Variants in COL27A1 observed in about 807,000 individuals in gnomAD.
COL27A1 encodes collagen alpha-1(XXVII) chain.
COL27A1 carries 106 observed loss-of-function variants against 251.3 expected under a neutral mutation model. That is an observed-to-expected ratio of 0.42 (90% CI 0.36 to 0.50). COL27A1 has a LOEUF of 0.50. Among genes scored for constraint, COL27A1 ranks in the 20% least tolerant of loss-of-function variants. The pLI is 0.00. For missense variants in COL27A1, 2,325 were observed against 2,522.8 expected (o/e 0.92, Z 1.68); for synonymous variants, 1,000 against 986.3 (o/e 1.01, Z -0.26).
intron 6 of COL27A1, 44 bp downstream of exon 6, chr9:114,194,501 A>G (rs1239891816): frequency 2.0e-6 from 3 of 1,532,772 alleles, no homozygotes; most frequent in South Asian, 2.3e-5. Context: ...AGGGGAGTGG[A>G]TGATAGTGAA....
intron 53 of COL27A1, 55 bp from the exon 54 acceptor site, chr9:114,301,390 G>C: frequency 6.2e-7 from 1 of 1,612,608 alleles, no homozygotes. Context: ...CCCAGAGTTG[G>C]GCCATGGCTC....
intron 2 of COL27A1, among the ~76,000 whole-genome samples, chr9:114,166,367 CA>C (rs1848862609): frequency 7.4e-6 from 1 of 134,714 alleles, no homozygotes; most frequent in Non-Finnish European, 1.6e-5. Context: ...ATCCATCCAT[CA>C]ATCCATCCAT....
At chr9:114,242,280 G>T in intron 22 of COL27A1, 49 bp downstream of exon 22, 1 of 1,536,112 alleles carries the variant, frequency 6.5e-7, no homozygotes, top group East Asian at 2.3e-5. Flanking sequence ...AGCTGAGCCA[G>T]CTGTGCACAG....
In COL27A1 at chr9:114,288,464, G is replaced by T. The variant is rs372217234; in HGVS notation, c.3997G>T (p.Gly1333Cys). 6.2e-7 allele frequency: 1 copy of T among 1,610,046 alleles called. No individual in the cohort carries two copies. Among genetic ancestry groups the T allele is most frequent in the African/African-American group, 1.3e-5 (1 of 74,944 alleles). Residue 1333 changes from glycine to cysteine, a missense_variant, in exon 42 of 61, where the codon GGC becomes TGC. Around this residue, in one of 4 missense-constraint regions of COL27A1, gnomAD observed 662 missense variants for 795.3 expected, o/e 0.83. Coordinates refer to ENST00000356083, the MANE Select transcript of COL27A1 (RefSeq NM_032888.4). The part of the protein sequence containing the change: ...PGPKGEKGEQ[G>C]EDGKAEGPPG... ...GGTTCTGTGTCCACAGGGGGAGCAG[G>T]GCGAGGACGGCAAGGCTGAGGGGCC...
intron 27 of COL27A1, among the ~76,000 whole-genome samples, chr9:114,257,249 G>T (rs544449760): frequency 6.6e-6 from 1 of 151,908 alleles, no homozygotes; most frequent in East Asian, 1.9e-4. Flanking sequence ...AAAGGAGCAC[G>T]CCCAGTCTGA....
At chr9:114,300,836 C>G in intron 51 of COL27A1, 149 bp downstream of exon 51, 1 of 759,530 alleles carries the variant, frequency 1.3e-6, no homozygotes, top group South Asian at 1.9e-5. Context: ...TCACTCCTGC[C>G]GTTCCCACCA....
At chr9:114,225,989 C>T (rs7028958) in intron 14 of COL27A1, among the ~76,000 whole-genome samples, 87,017 of 152,028 alleles carry the variant, frequency 0.57, 28,014 homozygotes, top group South Asian at 0.8. Flanking sequence ...TCCAGTGAGC[C>T]ACCGGTGGCT....
chr9:114,203,268 A>C (rs1248334773), intron 7 of COL27A1, among the ~76,000 whole-genome samples: 1 of 152,202 alleles, frequency 6.6e-6, no homozygotes, highest in Admixed American at 6.5e-5. Flanking sequence ...TATCGAATGA[A>C]TGAATGAAAA....
At chr9:114,291,358 G>A (rs1289267063) in intron 48 of COL27A1, among the ~76,000 whole-genome samples, 1 of 152,200 alleles carries the variant, frequency 6.6e-6, no homozygotes, top group Admixed American at 6.5e-5. Flanking sequence ...TGCCCTCTCT[G>A]AGCTCGAGGT....
chr9:114,302,769 T>C (rs1423606596), intron 56 of COL27A1, among the ~76,000 whole-genome samples: 3 of 149,198 alleles, frequency 2.0e-5, no homozygotes, highest in East Asian at 2.0e-4. Flanking sequence ...GGGGGGCAGA[T>C]TGGGGCCCCT....
intron 23 of COL27A1, among the ~76,000 whole-genome samples, chr9:114,245,306 GCAC>G (rs1435518091): frequency 2.0e-5 from 3 of 151,900 alleles, no homozygotes; most frequent in African/African-American, 7.3e-5. Flanking sequence ...CAGGCATGCA[GCAC>G]CACACCCAGC....
rs541691264 is a variant in COL27A1, at chr9:114,255,364, G to A, written c.3141+2432G>A. ...CATGGGGGGTGCCCAGAGTAGGGCCGAAGCCTGAGTACAAGGATGCTGGGG... is the reference window on the plus strand; with the variant it reads ...CATGGGGGGTGCCCAGAGTAGGGCCAAAGCCTGAGTACAAGGATGCTGGGG... On this transcript the variant is annotated intron_variant, in intron 27 of 60. Coordinates refer to ENST00000356083, the MANE Select transcript of COL27A1 (RefSeq NM_032888.4). 3.7e-3 allele frequency among the ~76,000 whole-genome samples: 564 copies of A among 152,238 alleles called. 7 individuals carry two copies. The highest frequency in any genetic ancestry group is 0.012 in the African/African-American group (512 of 41,532).
intron 14 of COL27A1, among the ~76,000 whole-genome samples, chr9:114,228,136 C>T (rs1356527001): frequency 6.6e-6 from 1 of 152,196 alleles, no homozygotes; most frequent in Non-Finnish European, 1.5e-5. Context: ...GAGAGCCCTG[C>T]TGAGGCAGCG....
chr9:114,169,963 C>CT (rs564698561), intron 3 of COL27A1, among the ~76,000 whole-genome samples: 37 of 152,330 alleles, frequency 2.4e-4, no homozygotes, highest in African/African-American at 8.7e-4. Flanking sequence ...GTGCAGTGTT[C>CT]TTTTTTAAAA....
At chr9:114,242,586 G>A (rs1412499287) in intron 22 of COL27A1, among the ~76,000 whole-genome samples, 5 of 152,200 alleles carry the variant, frequency 3.3e-5, no homozygotes, top group Middle Eastern at 3.2e-3. Flanking sequence ...CCCTCAGCCC[G>A]AGCCCTCTGC....
intron 28 of COL27A1, among the ~76,000 whole-genome samples, chr9:114,262,845 G>T (rs560113014): frequency 6.6e-6 from 1 of 152,202 alleles, no homozygotes; most frequent in African/African-American, 2.4e-5. Context: ...TTAAGGCTGC[G>T]GTGTGGGATT....
At chr9:114,229,047 C>T (rs1831729103) in intron 14 of COL27A1, among the ~76,000 whole-genome samples, 1 of 152,194 alleles carries the variant, frequency 6.6e-6, no homozygotes, top group African/African-American at 2.4e-5. Context: ...TGGTCTTGAA[C>T]TCCTGGCCTC....
At chr9:114,300,839 T>C in intron 51 of COL27A1, 152 bp downstream of exon 51, 2 of 751,948 alleles carry the variant, frequency 2.7e-6, no homozygotes, top group Non-Finnish European at 4.2e-6. Flanking sequence ...CTCCTGCCGT[T>C]CCCACCAGCT....
At chr9:114,265,523 G>A (rs748173432) in intron 32 of COL27A1, 48 bp downstream of exon 32, 6 of 1,577,722 alleles carry the variant, frequency 3.8e-6, no homozygotes, top group Non-Finnish European at 5.2e-6. Context: ...GCTGGCACCT[G>A]GGGGTGTGGG....
Sources: allele counts gnomAD v4.1 joint callset (sites outside exome capture counted in the v4.1 genomes callset), GRCh38; gene constraint gnomAD v4.1.1; regional missense constraint gnomAD v4.1.1; transcripts MANE v1.5; gene names NCBI Gene and HGNC (gene_info 2026-07-23, HGNC 2026-07-21).